Variants in CHRNA7 observed in about 807,000 individuals in gnomAD.
The protein encoded by CHRNA7 is neuronal acetylcholine receptor subunit alpha-7.
A neutral mutation model predicts 48.0 loss-of-function variants in CHRNA7; 17 were observed. The observed-to-expected ratio is 0.35, with a 90% CI of 0.24 to 0.53. The LOEUF is 0.53. Ranked by LOEUF, CHRNA7 falls within the 20% of genes least tolerant of loss-of-function variation. The probability of loss-of-function intolerance (pLI) is 0.92; values close to 1 mark genes in which losing one functional copy is unlikely to be tolerated. For synonymous variants in CHRNA7, 75 were observed against 242.3 expected (o/e 0.31, Z 6.41); for missense variants, 155 against 577.7 (o/e 0.27, Z 7.50).
At chr15:32,147,690 A>G (rs1420999362) in intron 4 of CHRNA7, among the ~76,000 whole-genome samples, 1 of 152,258 alleles carries the variant, frequency 6.6e-6, no homozygotes, top group Non-Finnish European at 1.5e-5. Context: ...TCTGGCAGGT[A>G]GAAATGACCA....
intron 2 of CHRNA7, among the ~76,000 whole-genome samples, chr15:32,050,049 C>T (rs1464598936): frequency 3.3e-5 from 5 of 152,140 alleles, no homozygotes; most frequent in African/African-American, 1.2e-4. Flanking sequence ...TTGTGGGTAA[C>T]CCGACCTTTC....
At chr15:32,101,179 G>A in intron 2 of CHRNA7, 124 bp from the exon 3 acceptor site, 1 of 925,274 alleles carries the variant, frequency 1.1e-6, no homozygotes, top group Non-Finnish European at 1.7e-6. Flanking sequence ...GGAAGTGCTT[G>A]GTGCATTCTA....
chr15:32,063,828 T>C (rs891499856), intron 2 of CHRNA7, among the ~76,000 whole-genome samples: 1 of 152,208 alleles, frequency 6.6e-6, no homozygotes. Context: ...TCAGGAACCA[T>C]GGACAAAGAC....
At chr15:32,105,466 AGAG>A (rs370424544) in intron 3 of CHRNA7, among the ~76,000 whole-genome samples, 8 of 149,562 alleles carry the variant, frequency 5.3e-5, no homozygotes, top group East Asian at 3.9e-4. Flanking sequence ...AGGAGGAGGA[AGAG>A]GAGGAGAGGA....
chr15:32,045,379 A>G (rs1444664685), intron 2 of CHRNA7, among the ~76,000 whole-genome samples: 7 of 152,172 alleles, frequency 4.6e-5, no homozygotes, highest in East Asian at 1.9e-4. Context: ...CAGCCACCCC[A>G]TGGGTACCAG....
intron 2 of CHRNA7, among the ~76,000 whole-genome samples, chr15:32,053,520 T>C (rs1013600658): frequency 7.9e-5 from 12 of 152,176 alleles, no homozygotes; most frequent in Non-Finnish European, 5.9e-5. Flanking sequence ...CAAAAAGTAT[T>C]GTAAAATAGT....
chr15:32,066,715 A>G (rs1209791688), intron 2 of CHRNA7, among the ~76,000 whole-genome samples: 1 of 152,238 alleles, frequency 6.6e-6, no homozygotes, highest in African/African-American at 2.4e-5. Flanking sequence ...GAAAGCCCAG[A>G]TGTTGAGTTT....
At position 32,119,479 on chromosome 15, in the gene CHRNA7, G is replaced by T. The variant is rs144446902; in HGVS notation, c.350+7580G>T. 4.3e-3 allele frequency among the ~76,000 whole-genome samples: 661 copies of T among 152,280 alleles called. 2 individuals carry two copies. Among genetic ancestry groups the T allele is most frequent in the African/African-American group, 0.015 (629 of 41,554 alleles). ...CTGCTGTGGCTGGAGAGAATTGGTGGATGGGGAAGCCAGGGTTCAGAGAGA... is the reference window on the plus strand; with the variant it reads ...CTGCTGTGGCTGGAGAGAATTGGTGTATGGGGAAGCCAGGGTTCAGAGAGA... On this transcript the variant is annotated intron_variant, in intron 4 of 9. Coordinates refer to ENST00000306901, the MANE Select transcript of CHRNA7 (RefSeq NM_000746.6).
At chr15:32,109,749 C>G (rs544428391) in intron 3 of CHRNA7, among the ~76,000 whole-genome samples, 2 of 152,310 alleles carry the variant, frequency 1.3e-5, no homozygotes, top group African/African-American at 4.8e-5. Flanking sequence ...CACTGACCCC[C>G]CCGAACTATG....
At chr15:32,084,694 G>A (rs1306225482) in intron 2 of CHRNA7, among the ~76,000 whole-genome samples, 1 of 152,234 alleles carries the variant, frequency 6.6e-6, no homozygotes, top group African/African-American at 2.4e-5. Context: ...GCTGCCCTGG[G>A]AAACTCCTCA....
At chr15:32,136,540 T>C (rs955476522) in intron 4 of CHRNA7, among the ~76,000 whole-genome samples, 1 of 149,856 alleles carries the variant, frequency 6.7e-6, no homozygotes, top group East Asian at 2.0e-4. Flanking sequence ...CTGGAAAATA[T>C]AGCATGAAAT....
intron 2 of CHRNA7, among the ~76,000 whole-genome samples, chr15:32,048,975 C>G (rs543471090): frequency 2.0e-5 from 3 of 146,910 alleles, no homozygotes; most frequent in Admixed American, 1.4e-4. Context: ...CGTAGTTGAG[C>G]GGTTTTGAGT....
chr15:32,052,868 A>C (rs1429514792), intron 2 of CHRNA7, among the ~76,000 whole-genome samples: 2 of 152,332 alleles, frequency 1.3e-5, no homozygotes, highest in East Asian at 1.9e-4. Flanking sequence ...AAATAACTAG[A>C]AGAGCAGACT....
chr15:32,042,501 T>C (rs1379053400), intron 2 of CHRNA7, among the ~76,000 whole-genome samples: 1 of 152,236 alleles, frequency 6.6e-6, no homozygotes, highest in Admixed American at 6.5e-5. Flanking sequence ...GTAGAGCTTC[T>C]GGAGGTAAAT....
intron 2 of CHRNA7, among the ~76,000 whole-genome samples, chr15:32,052,266 T>A (rs1373582903): frequency 6.6e-6 from 1 of 151,938 alleles, no homozygotes; most frequent in Non-Finnish European, 1.5e-5. Context: ...AACCACCTAG[T>A]TGATCATCAC....
At chr15:32,126,222 A>G (rs541793704) in intron 4 of CHRNA7, among the ~76,000 whole-genome samples, 2 of 152,298 alleles carry the variant, frequency 1.3e-5, no homozygotes, top group South Asian at 4.1e-4. Flanking sequence ...AGAACGTAGT[A>G]TGGATTCTAC....
chr15:32,145,387 G>A (rs556986257), intron 4 of CHRNA7, among the ~76,000 whole-genome samples: 3 of 152,326 alleles, frequency 2.0e-5, no homozygotes, highest in South Asian at 2.1e-4. Context: ...GGACCCACTT[G>A]AGGAGGCAGT....
chr15:32,126,920 A>T (rs1223674904), intron 4 of CHRNA7, among the ~76,000 whole-genome samples: 1 of 152,198 alleles, frequency 6.6e-6, no homozygotes, highest in Admixed American at 6.5e-5. Flanking sequence ...TTTTACATTC[A>T]TGCATTTTTG....
At chr15:32,040,480 G>A (rs1378867430) in intron 2 of CHRNA7, among the ~76,000 whole-genome samples, 1 of 151,650 alleles carries the variant, frequency 6.6e-6, no homozygotes, top group Admixed American at 6.6e-5. Context: ...CACCTTTCAT[G>A]TTACATTATA....
Sources: allele counts gnomAD v4.1 joint callset (sites outside exome capture counted in the v4.1 genomes callset), GRCh38; gene constraint gnomAD v4.1.1; transcripts MANE v1.5; gene names NCBI Gene and HGNC (gene_info 2026-07-23, HGNC 2026-07-21).